The following CHD1L variants were observed in gnomAD, a reference collection of about 807,000 sequenced individuals.
CHD1L encodes chromodomain helicase DNA binding protein 1 like.
Under a neutral mutation model 115.9 loss-of-function variants are expected in CHD1L, and 118 were observed. The ratio of observed to expected loss-of-function variants is 1.02; its 90% confidence interval spans 0.88 to 1.19. The LOEUF (loss-of-function observed/expected upper bound fraction) is 1.19. Ranked by LOEUF, CHD1L falls within the 50% of genes most tolerant of loss-of-function variation. The probability of loss-of-function intolerance (pLI) is 0.00; values close to 1 mark genes in which losing one functional copy is unlikely to be tolerated. For synonymous variants in CHD1L, 411 were observed against 387.1 expected, an observed-to-expected ratio of 1.06 and a Z score of -0.72; for missense variants, 1,179 against 1,065.3, an observed-to-expected ratio of 1.11 and a Z score of -1.49.
chr1:147,203,838 C>T, the CHD1L span: 1 of 1,571,718 alleles, frequency 6.4e-7, no homozygotes, highest in African/African-American at 1.3e-5. Context: ...TCTTCCTTTT[C>T]ATGCTTAAAA....
the CHD1L span, among the ~76,000 whole-genome samples, chr1:147,206,961 T>A: frequency 6.6e-6 from 1 of 151,382 alleles, no homozygotes; most frequent in Non-Finnish European, 1.5e-5. Context: ...AAAAGAGAGA[T>A]TAAAGAGACA....
the CHD1L span, chr1:147,208,549 C>T: frequency 4.3e-6 from 1 of 231,318 alleles, no homozygotes; most frequent in African/African-American, 2.3e-5. Context: ...AGGTGATTCT[C>T]CTGCCTCAGC....
chr1:147,178,597 G>A, the CHD1L span: 24 of 1,603,094 alleles, frequency 1.5e-5, 1 homozygote, highest in Middle Eastern at 1.7e-4. Context: ...TTTTTTCGAT[G>A]ATTCATTCAG....
At chr1:147,203,246 T>C in the CHD1L span, 11 of 1,239,896 alleles carry the variant, frequency 8.9e-6, no homozygotes, top group East Asian at 2.6e-4. Flanking sequence ...AAATACAGCC[T>C]TCACCTACAG....
At chr1:147,282,464 A>C (rs1317059252) in intron 15 of CHD1L, among the ~76,000 whole-genome samples, 1 of 152,076 alleles carries the variant, frequency 6.6e-6, no homozygotes, top group Non-Finnish European at 1.5e-5. Flanking sequence ...CTAGACTCCT[A>C]ATGAGCCCTT....
In CHD1L at chr1:147,291,628, T is replaced by C. The variant is rs376325396; in HGVS notation, c.2391+76T>C. ...TCTCTTGAAGTGTCCCCTGCCCCAA[T>C]TGGCCTCTCTGCTAGTGTATTAGTT... On this transcript the variant is annotated intron_variant, in intron 20 of 22. Coordinates refer to ENST00000369258, the MANE Select transcript of CHD1L (RefSeq NM_004284.6). 85 of 1,160,078 alleles carry C rather than the reference T, an allele frequency of 7.3e-5. No homozygotes were observed. In the South Asian group the frequency reaches 8.5e-4, roughly 12 times the overall value. The allele number at this position is 1,160,078 out of a possible 1,614,324, so 71.9% of individuals were successfully genotyped here. A position where few individuals can be genotyped will look rare whatever the true frequency, so the allele number is the denominator to read the frequency against.
intron 1 of CHD1L, among the ~76,000 whole-genome samples, chr1:147,246,081 A>G (rs974727471): frequency 6.6e-6 from 1 of 152,204 alleles, no homozygotes; most frequent in Non-Finnish European, 1.5e-5. Flanking sequence ...AACCCCTGGC[A>G]ACCACTAATC....
chr1:147,245,429 G>A (rs1267832530), intron 1 of CHD1L, among the ~76,000 whole-genome samples: 1 of 152,142 alleles, frequency 6.6e-6, no homozygotes, highest in African/African-American at 2.4e-5. Context: ...TGGCCTCCTG[G>A]TTGGTTCCTG....
chr1:147,213,210 T>C, the CHD1L span: 3,782 of 1,005,390 alleles, frequency 3.8e-3, 114 homozygotes, highest in African/African-American at 0.057. Flanking sequence ...TCTTACTTCA[T>C]TCCAAAGTAG....
chr1:147,259,626 TAA>T, intron 5 of CHD1L: 55 of 390,870 alleles, frequency 1.4e-4, no homozygotes, highest in South Asian at 2.2e-4. Context: ...CCCATTTTGT[TAA>T]AAAAAAAAAT....
chr1:147,274,056 G>A (rs1266319393), intron 12 of CHD1L, among the ~76,000 whole-genome samples: 2 of 152,140 alleles, frequency 1.3e-5, no homozygotes, highest in Non-Finnish European at 2.9e-5. Context: ...AATGAAATAA[G>A]CACCTGAAAA....
At position 147,267,408 on chromosome 1, in the gene CHD1L, T is replaced by A; in HGVS notation, c.896-18T>A. 7.5e-7 allele frequency: 1 copy of A among 1,332,000 alleles called. No individual in the cohort carries two copies. The highest frequency in any genetic ancestry group is 1.0e-6 in the Non-Finnish European group (1 of 952,626). The allele number at this position is 1,332,000 out of a possible 1,614,324, so 82.5% of individuals were successfully genotyped here. On this transcript the variant is annotated intron_variant, in intron 8 of 22. Coordinates refer to ENST00000369258, the MANE Select transcript of CHD1L (RefSeq NM_004284.6). ...TAGGCCATCTCTTTCTGTCTCTCTC[T>A]TTTTTTTTAAATTTCAGATGCATTT...
chr1:147,195,840 T>C, the CHD1L span, among the ~76,000 whole-genome samples: 1 of 152,136 alleles, frequency 6.6e-6, no homozygotes, highest in African/African-American at 2.4e-5. Flanking sequence ...AACCTAGTGG[T>C]TATCTCATTC....
the CHD1L span, chr1:147,208,772 G>A: frequency 0.032 from 37,378 of 1,171,468 alleles, 954 homozygotes; most frequent in South Asian, 0.09. Flanking sequence ...GGTAGAGGTG[G>A]CTTTACTATT....
chr1:147,287,788 C>A, intron 19 of CHD1L, 55 bp downstream of exon 19: 2 of 1,436,160 alleles, frequency 1.4e-6, no homozygotes, highest in Non-Finnish European at 9.7e-7. Context: ...GAAGAGGACA[C>A]CTAAGACTGT....
At chr1:147,187,544 C>A in the CHD1L span, among the ~76,000 whole-genome samples, 1 of 152,018 alleles carries the variant, frequency 6.6e-6, no homozygotes, top group Non-Finnish European at 1.5e-5. Context: ...GTGAAAGATA[C>A]AGATAAGATG....
In CHD1L at chr1:147,291,631, G is replaced by A. The variant is rs1489398731; in HGVS notation, c.2391+79G>A. ...CTTGAAGTGTCCCCTGCCCCAATTG[G>A]CCTCTCTGCTAGTGTATTAGTTTGT... On this transcript the variant is annotated intron_variant, in intron 20 of 22. Coordinates refer to ENST00000369258, the MANE Select transcript of CHD1L (RefSeq NM_004284.6). 5 of 1,132,730 alleles carry A rather than the reference G, an allele frequency of 4.4e-6. No individual in the cohort carries two copies. In the East Asian group the frequency reaches 1.2e-4, roughly 27 times the overall value. 70.2% of individuals were successfully genotyped at this position (1,132,730 alleles called of 1,614,324 possible).
At chr1:147,270,829 G>A (rs1675880741) in intron 10 of CHD1L, 103 bp from the exon 11 acceptor site, 4 of 898,496 alleles carry the variant, frequency 4.5e-6, no homozygotes, top group South Asian at 2.8e-5. Context: ...TTCTACTTTG[G>A]TATTTATTTA....
At chr1:147,190,790 G>A in the CHD1L span, among the ~76,000 whole-genome samples, 8 of 151,892 alleles carry the variant, frequency 5.3e-5, no homozygotes, top group East Asian at 3.9e-4. Flanking sequence ...CCATTAACTC[G>A]TCATTTAGCA....
Sources: gnomAD v4.1 joint callset for allele counts (sites outside exome capture counted in the v4.1 genomes callset) on GRCh38, gnomAD v4.1.1 for gene constraint, MANE v1.5 for transcripts, NCBI Gene and HGNC (gene_info 2026-07-23, HGNC 2026-07-21) for gene names.